Variants in AK5 observed in about 807,000 individuals in gnomAD.
AK5 encodes the protein adenylate kinase 5.
In AK5, 27 loss-of-function variants were observed where a neutral mutation model predicts 69.5. That is an observed-to-expected ratio of 0.39 (90% CI 0.29 to 0.54). The LOEUF (loss-of-function observed/expected upper bound fraction) is 0.54. Among genes scored for constraint, AK5 ranks in the 20% least tolerant of loss-of-function variants. The pLI is 0.71. For missense variants in AK5, 531 were observed against 700.4 expected, an observed-to-expected ratio of 0.76 and a Z score of 2.73; for synonymous variants, 260 against 244.4, an observed-to-expected ratio of 1.06 and a Z score of -0.60.
intron 7 of AK5, among the ~76,000 whole-genome samples, chr1:77,414,181 TAGATTC>T (rs769722318): frequency 6.6e-6 from 1 of 152,208 alleles, no homozygotes; most frequent in Non-Finnish European, 1.5e-5. Flanking sequence ...GTTTTGTTCT[TAGATTC>T]AGAAATGAAA....
chr1:77,374,853 T>TCACTA (rs1383343006), intron 6 of AK5, among the ~76,000 whole-genome samples: 8 of 151,716 alleles, frequency 5.3e-5, no homozygotes, highest in African/African-American at 1.2e-4. Context: ...TATTGAAAAA[T>TCACTA]CAGTTAAATA....
chr1:77,558,981 A>AGTC lies in AK5; in HGVS notation c.*312_*314dup, dbSNP rs1376875567. The stretch of plus-strand genomic sequence containing the variant: ...AGTACATGAACAGTGGTGCGGTGCC[A>AGTC]GTCTGTGTCCGTTGTGATCACAGGC... On this transcript the variant is annotated 3_prime_UTR_variant, in exon 14 of 14. Coordinates refer to ENST00000354567, the MANE Select transcript of AK5 (RefSeq NM_174858.3). 1 of 215,440 alleles carries AGTC rather than the reference A, an allele frequency of 4.6e-6. No individual in the cohort carries two copies. The highest frequency in any genetic ancestry group is 1.1e-4 in the East Asian group (1 of 9,324). The allele number at this position is 215,440 out of a possible 1,614,324, so 13.3% of individuals were successfully genotyped here.
chr1:77,303,420 C>T (rs1659453291), intron 5 of AK5, among the ~76,000 whole-genome samples: 1 of 152,216 alleles, frequency 6.6e-6, no homozygotes, highest in Non-Finnish European at 1.5e-5. Flanking sequence ...ACTTGAATAA[C>T]ATATTTTTAG....
chr1:77,337,996 C>T (rs1570403439), intron 5 of AK5, among the ~76,000 whole-genome samples: 1 of 142,524 alleles, frequency 7.0e-6, no homozygotes, highest in Non-Finnish European at 1.5e-5. Flanking sequence ...CAGAGTCTTG[C>T]TCTTGTCACC....
At chr1:77,495,339 G>A (rs1268680760) in intron 10 of AK5, among the ~76,000 whole-genome samples, 6 of 152,142 alleles carry the variant, frequency 3.9e-5, no homozygotes. Context: ...GGTGAGAGAC[G>A]TTTGCCATAA....
intron 13 of AK5, among the ~76,000 whole-genome samples, chr1:77,537,515 G>A (rs895181477): frequency 2.0e-5 from 3 of 152,184 alleles, no homozygotes; most frequent in African/African-American, 7.2e-5. Flanking sequence ...AGACCACTGA[G>A]AGGCTAGAAC....
At chr1:77,535,332 G>C (rs1048633808) in intron 12 of AK5, among the ~76,000 whole-genome samples, 1 of 152,178 alleles carries the variant, frequency 6.6e-6, no homozygotes, top group Non-Finnish European at 1.5e-5. Context: ...CTGGAGACAA[G>C]TCATGACACC....
chr1:77,489,683 C>G, intron 10 of AK5, among the ~76,000 whole-genome samples: 1 of 152,200 alleles, frequency 6.6e-6, no homozygotes, highest in South Asian at 2.1e-4. Context: ...TAGCCAGAGT[C>G]TAGGTTGACA....
chr1:77,536,079 CTTTTT>C, intron 13 of AK5, 41 bp downstream of exon 13: 2 of 1,263,198 alleles, frequency 1.6e-6, no homozygotes, highest in Non-Finnish European at 1.1e-6. Flanking sequence ...AGCCGCTTAC[CTTTTT>C]TTTTTTTTTC....
At chr1:77,552,171 T>G (rs1415818989) in intron 13 of AK5, among the ~76,000 whole-genome samples, 2 of 152,158 alleles carry the variant, frequency 1.3e-5, no homozygotes, top group African/African-American at 4.8e-5. Flanking sequence ...TCCTGTTAGG[T>G]CGGTGTAGCC....
At chr1:77,495,707 G>T (rs1426531112) in intron 10 of AK5, among the ~76,000 whole-genome samples, 1 of 152,158 alleles carries the variant, frequency 6.6e-6, no homozygotes, top group Non-Finnish European at 1.5e-5. Flanking sequence ...GATGCTGAGT[G>T]GGTCTGAGGG....
chr1:77,470,852 TATATA>T (rs1654435700), intron 8 of AK5, among the ~76,000 whole-genome samples: 1 of 32,452 alleles, frequency 3.1e-5, no homozygotes, highest in Admixed American at 4.7e-4. Flanking sequence ...TATATATATA[TATATA>T]TATATATATA....
chr1:77,538,230 T>A (rs913096491), intron 13 of AK5, among the ~76,000 whole-genome samples: 13 of 151,864 alleles, frequency 8.6e-5, no homozygotes, highest in Admixed American at 7.2e-4. Flanking sequence ...TCCCAGCTAC[T>A]TGGGAGACTG....
intron 10 of AK5, among the ~76,000 whole-genome samples, chr1:77,489,986 G>A (rs1315411376): frequency 6.6e-6 from 1 of 152,120 alleles, no homozygotes; most frequent in African/African-American, 2.4e-5. Flanking sequence ...TGAGAACTCC[G>A]CTGTAATCAC....
intron 6 of AK5, among the ~76,000 whole-genome samples, chr1:77,359,517 A>G (rs527314628): frequency 6.6e-6 from 1 of 151,746 alleles, no homozygotes; most frequent in Middle Eastern, 3.2e-3. Context: ...AATTTTTAAC[A>G]TGTATACTGT....
At chr1:77,438,330 T>C (rs1244102727) in intron 8 of AK5, among the ~76,000 whole-genome samples, 5 of 125,034 alleles carry the variant, frequency 4.0e-5, no homozygotes, top group Non-Finnish European at 6.7e-5. Flanking sequence ...AAAAACAAGC[T>C]TGGGGAGTTC....
intron 6 of AK5, among the ~76,000 whole-genome samples, chr1:77,372,180 CA>C (rs35478846): frequency 8.6e-4 from 128 of 149,336 alleles, no homozygotes; most frequent in Middle Eastern, 3.4e-3. Flanking sequence ...AGATTTAAAA[CA>C]AAAAAAAAAT....
At chr1:77,308,505 A>G (rs1170886686) in intron 5 of AK5, among the ~76,000 whole-genome samples, 2 of 151,138 alleles carry the variant, frequency 1.3e-5, no homozygotes, top group Admixed American at 6.6e-5. Context: ...TAGTGAGGGG[A>G]AAGGAATCAA....
At chr1:77,388,448 C>A (rs1357401706) in intron 6 of AK5, among the ~76,000 whole-genome samples, 1 of 152,130 alleles carries the variant, frequency 6.6e-6, no homozygotes, top group Non-Finnish European at 1.5e-5. Flanking sequence ...TATCATCACC[C>A]CAAGCACTGT....
Sources: gnomAD v4.1 joint callset for allele counts (sites outside exome capture counted in the v4.1 genomes callset) on GRCh38, gnomAD v4.1.1 for gene constraint, MANE v1.5 for transcripts, NCBI Gene and HGNC (gene_info 2026-07-23, HGNC 2026-07-21) for gene names.